ZNF474: variants seen among roughly 807,000 people sequenced by gnomAD.
The protein encoded by ZNF474 is 4933409D10Rik.
For synonymous variants in ZNF474, 192 were observed against 162.2 expected (o/e 1.18, Z -1.39); for missense variants, 511 against 433.8 (o/e 1.18, Z -1.58).
chr5:122,143,965 CCTTTTTTT>C (rs1385705153), intron 1 of ZNF474, among the ~76,000 whole-genome samples: 3 of 152,074 alleles, frequency 2.0e-5, no homozygotes, highest in African/African-American at 7.2e-5. Context: ...TTTGTGTTTT[CCTTTTTTT>C]CTTTTTATTT....
chr5:122,132,357 C>A (rs921566972), intron 1 of ZNF474, among the ~76,000 whole-genome samples: 1 of 151,902 alleles, frequency 6.6e-6, no homozygotes, highest in Non-Finnish European at 1.5e-5. Flanking sequence ...AATGTCAATA[C>A]CATTGGGTAT....
intron 1 of ZNF474, among the ~76,000 whole-genome samples, chr5:122,147,110 A>G (rs1756011845): frequency 6.6e-6 from 1 of 152,188 alleles, no homozygotes; most frequent in Non-Finnish European, 1.5e-5. Context: ...TGAGTCCATC[A>G]GTTCCTTTTT....
chr5:122,134,545 C>T (rs1203116582), intron 1 of ZNF474, among the ~76,000 whole-genome samples: 4 of 152,306 alleles, frequency 2.6e-5, no homozygotes, highest in East Asian at 1.9e-4. Flanking sequence ...AGGGCAAAAG[C>T]AGTCAACGAC....
intron 1 of ZNF474, among the ~76,000 whole-genome samples, chr5:122,131,951 G>A (rs1368053965): frequency 6.6e-6 from 1 of 151,900 alleles, no homozygotes; most frequent in African/African-American, 2.4e-5. Flanking sequence ...AACCAACAAA[G>A]ACGTAAATAT....
intron 1 of ZNF474, among the ~76,000 whole-genome samples, chr5:122,142,518 T>C (rs1003141277): frequency 6.6e-6 from 1 of 152,134 alleles, no homozygotes; most frequent in Non-Finnish European, 1.5e-5. Context: ...CATCACCACA[T>C]TGCATGTTTG....
chr5:122,152,647 A>G lies in ZNF474; in HGVS notation c.657A>G (p.Pro219=). Reference sequence around the variant, plus strand: ...CTTGTAGTGGAACCCCAGCCCGACCAAGGACTGTTATCTGCTACATATGTG... The same window carrying G: ...CTTGTAGTGGAACCCCAGCCCGACCGAGGACTGTTATCTGCTACATATGTG... ...KKACSGTPAR[P]RTVICYICGK... is the part of the protein sequence containing the mutation. Residue 219 remains proline, a synonymous_variant, in exon 2 of 2, where the codon CCA becomes CCG. Transcript: ENST00000296600. The G allele has an allele frequency of 6.2e-7, 1 of 1,614,146 alleles. No homozygotes were observed. The highest frequency in any genetic ancestry group is 8.5e-7 in the Non-Finnish European group (1 of 1,180,026).
chr5:122,153,209 A>T lies in ZNF474; in HGVS notation c.*124A>T. 8.0e-7 allele frequency: 1 copy of T among 1,245,908 alleles called. No homozygotes were observed. Among genetic ancestry groups the T allele is most frequent in the Non-Finnish European group, 1.1e-6 (1 of 904,860 alleles). The allele number at this position is 1,245,908 out of a possible 1,614,324, so 77.2% of individuals were successfully genotyped here. On this transcript the variant is annotated 3_prime_UTR_variant, in exon 2 of 2. Coordinates refer to ENST00000296600, the MANE Select transcript of ZNF474 (RefSeq NM_207317.3). ...AACTCCCTGTTGAACTCCAGGGCCTATACCTCTCTTGGCTGAATAGATATA... is the reference window on the plus strand; with the variant it reads ...AACTCCCTGTTGAACTCCAGGGCCTTTACCTCTCTTGGCTGAATAGATATA...
intron 1 of ZNF474, among the ~76,000 whole-genome samples, chr5:122,131,661 C>T (rs1325681472): frequency 6.6e-6 from 1 of 152,000 alleles, no homozygotes; most frequent in East Asian, 1.9e-4. Context: ...GATTCGGACC[C>T]AGGAGTGAAA....
Position 122,131,578 on chromosome 5 carries a change from A to T in ZNF474, c.-213+1895A>T, listed in dbSNP as rs1024686236. 3.9e-5 allele frequency among the ~76,000 whole-genome samples: 6 copies of T among 152,030 alleles called. No homozygotes were observed. The East Asian group carries it at 1.2e-3, about 29-fold the overall frequency. ...GATAAGGAAAGACAAACACTATGTG[A>T]TCTCACTTATATGTGGGGAAAAAAA... On this transcript the variant is annotated intron_variant, in intron 1 of 1. Coordinates refer to ENST00000296600, the MANE Select transcript of ZNF474 (RefSeq NM_207317.3).
chr5:122,144,008 T>C (rs1755919477), intron 1 of ZNF474, among the ~76,000 whole-genome samples: 1 of 152,168 alleles, frequency 6.6e-6, no homozygotes, highest in Admixed American at 6.6e-5. Flanking sequence ...CCTGTAGCTG[T>C]TCTAAACACT....
At chr5:122,130,947 C>A (rs759778440) in intron 1 of ZNF474, among the ~76,000 whole-genome samples, 27 of 152,100 alleles carry the variant, frequency 1.8e-4, no homozygotes, top group Admixed American at 1.3e-3. Context: ...AGGTTTCTAG[C>A]ATTTACTCAT....
chr5:122,153,217 C>T lies in ZNF474; in HGVS notation c.*132C>T. The stretch of plus-strand genomic sequence containing the variant: ...GTTGAACTCCAGGGCCTATACCTCT[C>T]TTGGCTGAATAGATATAAGAACATC... On this transcript the variant is annotated 3_prime_UTR_variant, in exon 2 of 2. Transcript: ENST00000296600. The T allele has an allele frequency of 8.8e-7, 1 of 1,142,460 alleles. No homozygotes were observed. Among genetic ancestry groups the T allele is most frequent in the Non-Finnish European group, 1.2e-6 (1 of 817,018 alleles). The allele number at this position is 1,142,460 out of a possible 1,614,324, so 70.8% of individuals were successfully genotyped here.
chr5:122,143,380 G>T (rs1755899850), intron 1 of ZNF474, among the ~76,000 whole-genome samples: 2 of 152,182 alleles, frequency 1.3e-5, no homozygotes, highest in African/African-American at 4.8e-5. Flanking sequence ...TATAAAGACA[G>T]TGGGAACTCT....
At position 122,151,851 on chromosome 5, in the gene ZNF474, G is replaced by C. The variant is rs1005628949; in HGVS notation, c.-140G>C. The C allele has an allele frequency of 1.2e-5, 12 of 1,024,404 alleles. No homozygotes were observed. The highest frequency in any genetic ancestry group is 1.5e-5 in the Non-Finnish European group (11 of 711,948). The allele number at this position is 1,024,404 out of a possible 1,614,324, so 63.5% of individuals were successfully genotyped here. On this transcript the variant is annotated 5_prime_UTR_variant, in exon 2 of 2. Coordinates refer to ENST00000296600, the MANE Select transcript of ZNF474 (RefSeq NM_207317.3). ...CTGCCGTCCTGCAATGAAGCTCTGA[G>C]TCACGGTCTGTGAGGCTAAGGTACT...
intron 1 of ZNF474, among the ~76,000 whole-genome samples, chr5:122,137,672 A>G (rs2152604055): frequency 6.6e-6 from 1 of 151,970 alleles, no homozygotes; most frequent in South Asian, 2.1e-4. Flanking sequence ...AGAGATGAAC[A>G]TGGATGGAGC....
rs577138524 is a variant in ZNF474 at position 122,138,013 on chromosome 5, C to T, written c.-213+8330C>T. Among the ~76,000 whole-genome samples the T allele has an allele frequency of 2.0e-5, 3 of 152,244 alleles. No individual in the cohort carries two copies. In the East Asian group the frequency reaches 5.8e-4, roughly 29 times the overall value. ...AGCCAAAAGGAATAACCAACCACTTCAATGCTAGATATGGAAATGCTTCTA... is the reference window on the plus strand; with the variant it reads ...AGCCAAAAGGAATAACCAACCACTTTAATGCTAGATATGGAAATGCTTCTA... On this transcript the variant is annotated intron_variant, in intron 1 of 1. Coordinates refer to ENST00000296600, the MANE Select transcript of ZNF474 (RefSeq NM_207317.3).
rs568788995 is a variant in ZNF474, at chr5:122,139,981, C to G, written c.-213+10298C>G. On this transcript the variant is annotated intron_variant, in intron 1 of 1. Coordinates refer to ENST00000296600, the MANE Select transcript of ZNF474 (RefSeq NM_207317.3). ...TGAAAAAAGAGGATGTTCCTGATGC[C>G]TATTATTGGTGTCCCATGAATGTAG... is the stretch of plus-strand genomic sequence containing the variant. Among the ~76,000 whole-genome samples, 4 of 152,250 alleles carry G rather than the reference C, an allele frequency of 2.6e-5. No individual in the cohort carries two copies. In the South Asian group the frequency reaches 8.3e-4, roughly 32 times the overall value.
intron 1 of ZNF474, among the ~76,000 whole-genome samples, chr5:122,144,983 T>C (rs1050026290): frequency 1.3e-5 from 2 of 152,212 alleles, no homozygotes; most frequent in East Asian, 1.9e-4. Flanking sequence ...AGGGTGATAT[T>C]ATAAGCCTTA....
Position 122,152,375 on chromosome 5 carries a change from A to C in ZNF474, c.385A>C (p.Lys129Gln), listed in dbSNP as rs1169363969. 1 of 1,614,070 alleles carries C rather than the reference A, an allele frequency of 6.2e-7. No individual in the cohort carries two copies. Among genetic ancestry groups the C allele is most frequent in the Non-Finnish European group, 8.5e-7 (1 of 1,180,048 alleles). ...GCATATTGAAAACAGCAAGTTGCCCAAGCATTTGAGGAGGCCAGAACCCTC... is the reference window on the plus strand; with the variant it reads ...GCATATTGAAAACAGCAAGTTGCCCCAGCATTTGAGGAGGCCAGAACCCTC... ...KWHIENSKLPKHLRRPEPSKP... is the reference protein window; with the variant it reads ...KWHIENSKLPQHLRRPEPSKP... Residue 129 changes from lysine to glutamine, a missense_variant, in exon 2 of 2, where the codon AAG becomes CAG. By Grantham distance (53) the Lys-to-Gln change is moderately conservative. Coordinates refer to ENST00000296600, the MANE Select transcript of ZNF474 (RefSeq NM_207317.3).
Sources: allele counts gnomAD v4.1 joint callset (sites outside exome capture counted in the v4.1 genomes callset), GRCh38; gene constraint gnomAD v4.1.1; transcripts MANE v1.5; gene names NCBI Gene and HGNC (gene_info 2026-07-23, HGNC 2026-07-21).